The following MAGI2 variants were observed in gnomAD, a reference collection of about 807,000 sequenced individuals.
MAGI2 encodes the protein membrane associated guanylate kinase, WW and PDZ domain containing 2.
A neutral mutation model predicts 133.3 loss-of-function variants in MAGI2; 35 were observed. The observed-to-expected ratio is 0.26, with a 90% CI of 0.20 to 0.35. MAGI2 has a LOEUF of 0.35. Among genes scored for constraint, MAGI2 ranks in the 10% least tolerant of loss-of-function variants. The pLI is 1.00. For missense variants in MAGI2, 1,636 were observed against 1,863.4 expected, an observed-to-expected ratio of 0.88 and a Z score of 2.25; for synonymous variants, 729 against 710.6, an observed-to-expected ratio of 1.03 and a Z score of -0.41.
At chr7:78,594,567 C>T (rs1418675710) in intron 3 of MAGI2, among the ~76,000 whole-genome samples, 1 of 152,168 alleles carries the variant, frequency 6.6e-6, no homozygotes, top group Non-Finnish European at 1.5e-5. Flanking sequence ...AAGTGATTCT[C>T]CTGCCTCAGC....
intron 5 of MAGI2, 89 bp downstream of exon 5, chr7:78,501,488 T>TTC (rs1794619242): frequency 8.6e-7 from 1 of 1,162,456 alleles, no homozygotes; most frequent in South Asian, 1.5e-5. Context: ...TTTTTTCTTT[T>TTC]TTTTTTTTTT....
intron 1 of MAGI2, among the ~76,000 whole-genome samples, chr7:79,383,666 C>T (rs1012481129): frequency 4.0e-5 from 6 of 151,234 alleles, no homozygotes; most frequent in African/African-American, 9.7e-5. Flanking sequence ...AAACAATATA[C>T]CATGATCAAG....
intron 6 of MAGI2, among the ~76,000 whole-genome samples, chr7:78,460,927 T>C (rs1360546438): frequency 6.7e-6 from 1 of 148,514 alleles, no homozygotes; most frequent in Non-Finnish European, 1.5e-5. Flanking sequence ...TTGGAGTCAA[T>C]AAGGATCTGG....
At chr7:79,293,882 T>C (rs1836696016) in intron 1 of MAGI2, among the ~76,000 whole-genome samples, 1 of 152,170 alleles carries the variant, frequency 6.6e-6, no homozygotes, top group Non-Finnish European at 1.5e-5. Flanking sequence ...CAGTACTTCA[T>C]ATACAAAAGT....
At chr7:78,749,338 A>G (rs1303338114) in intron 2 of MAGI2, among the ~76,000 whole-genome samples, 6 of 152,208 alleles carry the variant, frequency 3.9e-5, no homozygotes, top group African/African-American at 1.4e-4. Context: ...TAAAGAGACC[A>G]TAACAGGCAC....
chr7:78,793,369 A>C (rs1332997420), intron 2 of MAGI2, among the ~76,000 whole-genome samples: 1 of 152,188 alleles, frequency 6.6e-6, no homozygotes, highest in Non-Finnish European at 1.5e-5. Flanking sequence ...CAGGGGTTGC[A>C]CCTATGGCAT....
At chr7:79,134,022 T>C (rs925205116) in intron 1 of MAGI2, among the ~76,000 whole-genome samples, 5 of 152,238 alleles carry the variant, frequency 3.3e-5, no homozygotes, top group Non-Finnish European at 7.3e-5. Flanking sequence ...TTGTTTTTCT[T>C]ATTAGCCTAA....
chr7:79,227,822 C>A (rs887685057), intron 1 of MAGI2, among the ~76,000 whole-genome samples: 2 of 152,180 alleles, frequency 1.3e-5, no homozygotes. Flanking sequence ...CAAGACTCTA[C>A]AGGCTGAAAG....
chr7:78,093,713 T>G (rs1163169630), intron 20 of MAGI2, among the ~76,000 whole-genome samples: 1 of 152,220 alleles, frequency 6.6e-6, no homozygotes, highest in Non-Finnish European at 1.5e-5. Context: ...TAGACTTAAA[T>G]TATTTTTAGT....
chr7:78,941,707 C>T (rs941403053), intron 2 of MAGI2, among the ~76,000 whole-genome samples: 11 of 148,574 alleles, frequency 7.4e-5, no homozygotes, highest in Non-Finnish European at 1.2e-4. Context: ...TGTTTTAAAA[C>T]AGTTTCCTGA....
At chr7:78,594,804 T>C (rs1346246368) in intron 3 of MAGI2, among the ~76,000 whole-genome samples, 1 of 152,144 alleles carries the variant, frequency 6.6e-6, no homozygotes, top group Non-Finnish European at 1.5e-5. Context: ...CAAGTTTTAC[T>C]GGGGGCTAAA....
chr7:78,902,736 G>A (rs1259615216), intron 2 of MAGI2: 2 of 152,096 alleles, frequency 1.3e-5, no homozygotes, highest in Middle Eastern at 3.2e-3. Context: ...AATCAATGAC[G>A]CTTAATATCC....
chr7:78,918,669 G>T (rs188121720), intron 2 of MAGI2, among the ~76,000 whole-genome samples: 122 of 152,184 alleles, frequency 8.0e-4, no homozygotes, highest in African/African-American at 2.7e-3. Context: ...TTTTGAAAAG[G>T]TTATATAACT....
intron 2 of MAGI2, among the ~76,000 whole-genome samples, chr7:78,860,616 A>T (rs1368203877): frequency 6.6e-6 from 1 of 152,144 alleles, no homozygotes; most frequent in Non-Finnish European, 1.5e-5. Context: ...GCTTCGTCTC[A>T]GAGGGGCCCC....
chr7:79,395,418 G>C (rs1293007007), intron 1 of MAGI2, among the ~76,000 whole-genome samples: 1 of 152,132 alleles, frequency 6.6e-6, no homozygotes, highest in South Asian at 2.1e-4. Flanking sequence ...AAACAGGCAG[G>C]TTCCTGAACA....
At chr7:79,263,308 T>G (rs549557625) in intron 1 of MAGI2, among the ~76,000 whole-genome samples, 2 of 152,096 alleles carry the variant, frequency 1.3e-5, no homozygotes, top group African/African-American at 4.8e-5. Flanking sequence ...CCCTCTGAGG[T>G]AGGCACTATA....
At chr7:78,623,980 C>A (rs562796231) in intron 3 of MAGI2, among the ~76,000 whole-genome samples, 1 of 152,056 alleles carries the variant, frequency 6.6e-6, no homozygotes, top group African/African-American at 2.4e-5. Context: ...AGTACAGCAA[C>A]CTCACTAGCA....
At chr7:79,304,203 C>CTCTGTGTG (rs1837604319) in intron 1 of MAGI2, among the ~76,000 whole-genome samples, 2 of 135,478 alleles carry the variant, frequency 1.5e-5, no homozygotes, top group South Asian at 4.8e-4. Context: ...GTGTGTGTGT[C>CTCTGTGTG]TGTGTGTGTG....
At chr7:79,224,741 A>C (rs752936392) in intron 1 of MAGI2, among the ~76,000 whole-genome samples, 1 of 150,884 alleles carries the variant, frequency 6.6e-6, no homozygotes, top group Non-Finnish European at 1.5e-5. Context: ...TGTACATCCC[A>C]TTTATGTGAT....
Sources: gnomAD v4.1 joint callset for allele counts (sites outside exome capture counted in the v4.1 genomes callset) on GRCh38, gnomAD v4.1.1 for gene constraint, MANE v1.5 for transcripts, NCBI Gene and HGNC (gene_info 2026-07-23, HGNC 2026-07-21) for gene names.